Variants in DIDO1 observed in about 807,000 individuals in gnomAD.
DIDO1 encodes the protein death inducer-obliterator 1, also known as death-inducer obliterator 1.
In DIDO1, 16 loss-of-function variants were observed where a neutral mutation model predicts 99.4. The observed-to-expected ratio is 0.16, with a 90% CI of 0.11 to 0.24. The LOEUF (loss-of-function observed/expected upper bound fraction) is 0.24. DIDO1 is among the 10% of genes least tolerant of loss of function. DIDO1 has a pLI of 1.00. For synonymous variants in DIDO1, 1,366 were observed against 1,239.1 expected (o/e 1.10, Z -2.15); for missense variants, 2,996 against 3,014.0 (o/e 0.99, Z 0.14).
intron 1 of DIDO1, among the ~76,000 whole-genome samples, chr20:62,918,053 A>T (rs962274842): frequency 6.6e-6 from 1 of 152,208 alleles, no homozygotes; most frequent in Non-Finnish European, 1.5e-5. Flanking sequence ...GAGACTTTAA[A>T]CATTTCCTTC....
intron 15 of DIDO1, chr20:62,887,185 T>TG: frequency 1.0e-6 from 1 of 985,476 alleles, no homozygotes; most frequent in Non-Finnish European, 1.2e-6. Context: ...AGCCACCAAA[T>TG]GGTTCCAATT....
chr20:62,892,190 C>G (rs73918855), intron 13 of DIDO1, 114 bp from the exon 14 acceptor site: 1 of 863,002 alleles, frequency 1.2e-6, no homozygotes, highest in East Asian at 2.7e-5. Flanking sequence ...ACAGCTATTC[C>G]AAGGAAAAGA....
At chr20:62,924,046 C>T (rs1304566199) in intron 1 of DIDO1, among the ~76,000 whole-genome samples, 1 of 152,246 alleles carries the variant, frequency 6.6e-6, no homozygotes, top group African/African-American at 2.4e-5. Context: ...TGTACACGTA[C>T]ATGAAATGAG....
intron 6 of DIDO1, chr20:62,905,402 C>T (rs1035945654): frequency 6.1e-6 from 9 of 1,475,586 alleles, no homozygotes; most frequent in Non-Finnish European, 8.1e-6. Flanking sequence ...TCAGATGCAA[C>T]ACTAACTTGC....
At chr20:62,899,528 G>A (rs1026648884) in intron 6 of DIDO1, among the ~76,000 whole-genome samples, 5 of 152,236 alleles carry the variant, frequency 3.3e-5, no homozygotes, top group African/African-American at 4.8e-5. Flanking sequence ...AACCCGAGTT[G>A]AGAGATGAGT....
chr20:62,912,122 T>C (rs2064957477), intron 2 of DIDO1, among the ~76,000 whole-genome samples: 1 of 152,226 alleles, frequency 6.6e-6, no homozygotes. Flanking sequence ...TTTGCAAGTA[T>C]GGGCTGGCCA....
In DIDO1 at chr20:62,894,852, G is replaced by A. The variant is rs1383359406; in HGVS notation, c.2394C>T (p.Ala798=). Residue 798 remains alanine, a synonymous_variant, in exon 10 of 16, where the codon GCC becomes GCT. Coordinates refer to ENST00000395343, the MANE Select transcript of DIDO1 (RefSeq NM_001193369.2). The surrounding 1 kb of genome is among the most constrained non-coding windows in gnomAD (Gnocchi z 4.4). ...GCGGAGAGTCCTCCAGATCGGGGAT[G>A]GCCTCCTGCCTGGGGGCCGTCTTCT... The part of the protein sequence containing the change: ...ESKKTAPRQE[A]IPDLEDSPPV... 1 of 1,614,164 alleles carries A rather than the reference G, an allele frequency of 6.2e-7. No individual in the cohort carries two copies. Among genetic ancestry groups the A allele is most frequent in the Non-Finnish European group, 8.5e-7 (1 of 1,180,026 alleles).
chr20:62,904,780 C>CAAAAAAAAAAAAAAAAAAAA (rs58039393), intron 6 of DIDO1, among the ~76,000 whole-genome samples: 11 of 62,620 alleles, frequency 1.8e-4, no homozygotes, highest in Admixed American at 5.0e-4. Flanking sequence ...ACTCTTGTCT[C>CAAAAAAAAAAAAAAAAAAAA]AAAAAAAAAA....
At chr20:62,892,746 G>A in intron 13 of DIDO1, 63 bp downstream of exon 13, 2 of 1,539,728 alleles carry the variant, frequency 1.3e-6, no homozygotes, top group South Asian at 1.2e-5. Flanking sequence ...TCATGTGTTT[G>A]ACTCTAGTTT....
upstream of DIDO1, among the ~76,000 whole-genome samples, chr20:62,929,693 GTGTATA>G (rs76572591): frequency 0.042 from 4,157 of 97,970 alleles, 568 homozygotes; most frequent in African/African-American, 0.075. Flanking sequence ...AAAAGAAAAA[GTGTATA>G]TATATATATA....
rs765330774 is a variant in DIDO1, at chr20:62,907,303, C to T, written c.1218G>A (p.Ala406=). The T allele has an allele frequency of 5.6e-6, 9 of 1,614,100 alleles. No individual in the cohort carries two copies. Among genetic ancestry groups the T allele is most frequent in the African/African-American group, 4.0e-5 (3 of 74,938 alleles). Residue 406 remains alanine, a synonymous_variant, in exon 5 of 16, where the codon GCG becomes GCA. Coordinates refer to ENST00000395343, the MANE Select transcript of DIDO1 (RefSeq NM_001193369.2). ...TACTGCAGTACACCGAGTCGGGCTG[C>T]GCCACGTGACAGCACCCGGGGCCAA... ...KCIGPGCCHV[A]QPDSVYCSND... is the part of the protein sequence containing the mutation.
rs1308051699 is a variant in DIDO1 at position 62,881,269 on chromosome 20, C to G, written c.4687G>C (p.Ala1563Pro). 1.2e-6 allele frequency: 2 copies of G among 1,603,892 alleles called. No homozygotes were observed. The highest frequency in any genetic ancestry group is 1.7e-6 in the Non-Finnish European group (2 of 1,178,912). Residue 1563 changes from alanine (A) to proline (P), a missense_variant, in exon 16 of 16, where the codon GCG becomes CCG. Transcript: ENST00000395343. The surrounding 1 kb of genome is among the most constrained non-coding windows in gnomAD (Gnocchi z 8.3). The part of the protein sequence containing the change: ...QASNHRDPRQ[A>P]RRLATETGEG... Reference sequence around the variant, plus strand: ...CCGGTCTCAGTGGCCAGGCGCCTCGCCTGCCGGGGGTCCCTGTGGTTTGAC... The same window carrying G: ...CCGGTCTCAGTGGCCAGGCGCCTCGGCTGCCGGGGGTCCCTGTGGTTTGAC...
rs2064893009 is a variant in DIDO1 at position 62,909,954 on chromosome 20, A to G, written c.906T>C (p.Ala302=). The change falls in exon 4 of 16, where the codon GCT becomes GCC. Residue 302 remains alanine, a synonymous_variant. Transcript: ENST00000395343. The stretch of plus-strand genomic sequence containing the variant: ...CATTCCTTTCCAAAAGCCTCCCTCG[A>G]GCCTCAGAAATGCCCACACAATCGC... The part of the protein sequence containing the change: ...FHGDCVGISE[A]RGRLLERNGE... The G allele has an allele frequency of 6.2e-7, 1 of 1,613,514 alleles. No homozygotes were observed. The highest frequency in any genetic ancestry group is 8.5e-7 in the Non-Finnish European group (1 of 1,180,054).
chr20:62,902,495 TGA>T (rs1047472377), intron 6 of DIDO1, among the ~76,000 whole-genome samples: 2 of 152,082 alleles, frequency 1.3e-5, no homozygotes, highest in Non-Finnish European at 2.9e-5. Flanking sequence ...ACGCGACCAG[TGA>T]AACAAGCCAC....
chr20:62,936,317 G>A (rs1373095975), intron 1 of DIDO1, among the ~76,000 whole-genome samples: 1 of 151,576 alleles, frequency 6.6e-6, no homozygotes, highest in East Asian at 1.9e-4. Flanking sequence ...ACCTTGGGAG[G>A]CCGAGGTGGG....
chr20:62,895,766 C>T (rs2064505527), intron 8 of DIDO1, among the ~76,000 whole-genome samples: 1 of 152,212 alleles, frequency 6.6e-6, no homozygotes, highest in Admixed American at 6.5e-5. Context: ...ACTACCTGGG[C>T]GTGAGCAGCC....
chr20:62,926,895 A>AAGAGGTGT, upstream of DIDO1, among the ~76,000 whole-genome samples: 1 of 152,108 alleles, frequency 6.6e-6, no homozygotes, highest in African/African-American at 2.4e-5. Context: ...CTAAATTTGT[A>AAGAGGTGT]AGAGGTGTAG....
chr20:62,905,953 C>A lies in DIDO1; in HGVS notation c.1522G>T (p.Asp508Tyr). 1 of 1,614,032 alleles carries A rather than the reference C, an allele frequency of 6.2e-7. No homozygotes were observed. Among genetic ancestry groups the A allele is most frequent in the Non-Finnish European group, 8.5e-7 (1 of 1,180,028 alleles). ...GGCTTTACTGCATTGTAATTGTGATCGCTCGCCCACGACGGCGTGCTGCTC... is the reference window on the plus strand; with the variant it reads ...GGCTTTACTGCATTGTAATTGTGATAGCTCGCCCACGACGGCGTGCTGCTC... Reference protein sequence around the residue: ...CESSTPSWASDHNYNAVKPEK... With the variant: ...CESSTPSWASYHNYNAVKPEK... Residue 508 changes from aspartate to tyrosine, a missense_variant, in exon 6 of 16, where the codon GAT becomes TAT. Around this residue, in one of 5 missense-constraint regions of DIDO1, gnomAD observed 898 missense variants for 972.7 expected, o/e 0.92. Transcript: ENST00000395343.
intron 12 of DIDO1, 85 bp from the exon 13 acceptor site, chr20:62,893,047 G>A: frequency 7.4e-7 from 1 of 1,358,958 alleles, no homozygotes; most frequent in Non-Finnish European, 1.0e-6. Context: ...TTTTTTTTGA[G>A]ACAGGATCTC....
Sources: gnomAD v4.1 joint callset for allele counts (sites outside exome capture counted in the v4.1 genomes callset) on GRCh38, gnomAD v4.1.1 for gene constraint, gnomAD v4.1.1 regional missense constraint, Gnocchi (gnomAD v3.1) non-coding constraint, MANE v1.5 for transcripts, NCBI Gene and HGNC (gene_info 2026-07-23, HGNC 2026-07-21) for gene names.